Variants in MDGA2 observed in about 807,000 individuals in gnomAD.
The protein encoded by MDGA2 is MAM domain containing glycosylphosphatidylinositol anchor 2.
In MDGA2, 40 loss-of-function variants were observed where a neutral mutation model predicts 117.8. The ratio of observed to expected loss-of-function variants is 0.34; its 90% CI spans 0.26 to 0.44. The LOEUF (loss-of-function observed/expected upper bound fraction) is 0.44, where lower values mean the gene tolerates loss of function less well. MDGA2 is among the 20% of genes least tolerant of loss of function. The pLI is 1.00. For missense variants in MDGA2, 1,123 were observed against 1,250.6 expected, an observed-to-expected ratio of 0.90 and a Z score of 1.54; for synonymous variants, 452 against 439.0, an observed-to-expected ratio of 1.03 and a Z score of -0.37.
chr14:47,623,021 C>A (rs139992463), intron 1 of MDGA2, among the ~76,000 whole-genome samples: 2 of 152,234 alleles, frequency 1.3e-5, no homozygotes, highest in African/African-American at 4.8e-5. Flanking sequence ...AAATCCCCAA[C>A]GCAATAGTGT....
At chr14:47,500,569 A>G (rs1894379121) in intron 1 of MDGA2, among the ~76,000 whole-genome samples, 1 of 152,062 alleles carries the variant, frequency 6.6e-6, no homozygotes, top group Non-Finnish European at 1.5e-5. Context: ...TTGGGAGGAT[A>G]CATAAAAGAT....
intron 1 of MDGA2, among the ~76,000 whole-genome samples, chr14:47,636,846 C>T (rs1239612611): frequency 7.2e-6 from 1 of 138,900 alleles, no homozygotes; most frequent in Non-Finnish European, 1.5e-5. Context: ...GTGGAGCGTG[C>T]CTGTAATCCC....
intron 5 of MDGA2, among the ~76,000 whole-genome samples, chr14:47,108,710 A>C (rs1880873040): frequency 6.6e-6 from 1 of 152,174 alleles, no homozygotes; most frequent in Admixed American, 6.5e-5. Context: ...TGAAATAAAC[A>C]GCCATGTTGC....
chr14:47,014,902 C>G (rs1217774430), intron 8 of MDGA2, among the ~76,000 whole-genome samples: 1 of 152,292 alleles, frequency 6.6e-6, no homozygotes, highest in Admixed American at 6.5e-5. Context: ...AAAGGCCTAG[C>G]TTTCACCCTC....
At chr14:47,204,128 T>C (rs1885601975) in intron 3 of MDGA2, among the ~76,000 whole-genome samples, 1 of 152,048 alleles carries the variant, frequency 6.6e-6, no homozygotes, top group Non-Finnish European at 1.5e-5. Context: ...TTTTTATGCA[T>C]ACTAAGACTG....
At chr14:47,124,660 C>T (rs982873484) in intron 5 of MDGA2, among the ~76,000 whole-genome samples, 1 of 151,966 alleles carries the variant, frequency 6.6e-6, no homozygotes, top group Admixed American at 6.6e-5. Context: ...GGAGATAGGG[C>T]TTTTACAGAG....
At chr14:47,052,203 T>C (rs977504851) in intron 7 of MDGA2, among the ~76,000 whole-genome samples, 18 of 151,920 alleles carry the variant, frequency 1.2e-4, no homozygotes, top group African/African-American at 4.3e-4. Flanking sequence ...ATAGTTTCTA[T>C]GTTCCCATTG....
intron 8 of MDGA2, among the ~76,000 whole-genome samples, chr14:47,027,499 T>A (rs1000562897): frequency 6.6e-6 from 1 of 152,006 alleles, no homozygotes; most frequent in Non-Finnish European, 1.5e-5. Flanking sequence ...TACTTTAAGG[T>A]AGCAGCAGAG....
At chr14:47,523,593 G>A (rs964447165) in intron 1 of MDGA2, among the ~76,000 whole-genome samples, 144 of 152,148 alleles carry the variant, frequency 9.5e-4, no homozygotes, top group African/African-American at 3.3e-3. Context: ...AACTGTGAGG[G>A]ATGACAACAG....
chr14:47,472,087 T>C (rs147719602), intron 1 of MDGA2, among the ~76,000 whole-genome samples: 1 of 152,230 alleles, frequency 6.6e-6, no homozygotes, highest in African/African-American at 2.4e-5. Flanking sequence ...AAACTAATGA[T>C]AATCCAGAAA....
chr14:46,961,067 T>C (rs966582072), intron 8 of MDGA2, among the ~76,000 whole-genome samples: 1 of 152,010 alleles, frequency 6.6e-6, no homozygotes, highest in African/African-American at 2.4e-5. Context: ...CCATTGTTGG[T>C]GTAAAGAGGT....
intron 9 of MDGA2, among the ~76,000 whole-genome samples, chr14:46,934,826 G>C (rs902119291): frequency 2.6e-4 from 39 of 152,048 alleles, no homozygotes; most frequent in African/African-American, 9.2e-4. Context: ...TTAATACACG[G>C]TGTATGTCAA....
chr14:47,343,366 G>A, intron 1 of MDGA2: 6 of 675,690 alleles, frequency 8.9e-6, no homozygotes, highest in Non-Finnish European at 1.1e-5. Flanking sequence ...AGGACAGAAA[G>A]TGGTGTGAAA....
At chr14:47,588,648 T>C (rs1219691534) in intron 1 of MDGA2, among the ~76,000 whole-genome samples, 1 of 151,938 alleles carries the variant, frequency 6.6e-6, no homozygotes, top group African/African-American at 2.4e-5. Flanking sequence ...AGATAATGAT[T>C]TTCAAATATT....
Position 46,853,978 on chromosome 14 carries a change from A to G in MDGA2, c.2883+1046T>C, listed in dbSNP as rs1200176056. 2.6e-5 allele frequency among the ~76,000 whole-genome samples: 4 copies of G among 151,826 alleles called. No homozygotes were observed. The East Asian group carries it at 7.7e-4, about 29-fold the overall frequency. ...ATTTTTCAGAATCATATGGGAATAA[A>G]TCTTTTATATATCTGTAGATAATTA... On this transcript the variant is annotated intron_variant, in intron 15 of 16. Coordinates refer to ENST00000399232, the MANE Select transcript of MDGA2 (RefSeq NM_001113498.3).
At chr14:47,622,832 T>C (rs1819598807) in intron 1 of MDGA2, among the ~76,000 whole-genome samples, 1 of 152,110 alleles carries the variant, frequency 6.6e-6, no homozygotes, top group Admixed American at 6.5e-5. Context: ...GGTGGCTTGT[T>C]CCAGAGTAGC....
intron 10 of MDGA2, among the ~76,000 whole-genome samples, chr14:46,892,437 T>G (rs1467446042): frequency 6.6e-6 from 1 of 151,966 alleles, no homozygotes; most frequent in Non-Finnish European, 1.5e-5. Flanking sequence ...CCCTTGGTAT[T>G]GGCTCTGACA....
chr14:47,177,820 AAAG>A (rs1358379685), intron 3 of MDGA2, among the ~76,000 whole-genome samples: 2 of 152,128 alleles, frequency 1.3e-5, no homozygotes, highest in African/African-American at 2.4e-5. Context: ...TAAAAATTAA[AAAG>A]AAGAAATTTT....
chr14:47,501,925 T>C (rs1047034112), intron 1 of MDGA2, among the ~76,000 whole-genome samples: 3 of 152,194 alleles, frequency 2.0e-5, no homozygotes, highest in Non-Finnish European at 4.4e-5. Context: ...CAATTGTCTA[T>C]ATTAGTTGGA....
Sources: gnomAD v4.1 joint callset for allele counts (sites outside exome capture counted in the v4.1 genomes callset) on GRCh38, gnomAD v4.1.1 for gene constraint, MANE v1.5 for transcripts, NCBI Gene and HGNC (gene_info 2026-07-23, HGNC 2026-07-21) for gene names.